The following DMXL1 variants were observed in gnomAD, a reference collection of about 807,000 sequenced individuals.
DMXL1 encodes the protein dmX-like protein 1.
A neutral mutation model predicts 319.2 loss-of-function variants in DMXL1; 99 were observed. That is an observed-to-expected ratio of 0.31 (90% CI 0.26 to 0.37). The LOEUF (loss-of-function observed/expected upper bound fraction) is 0.37. Ranked by LOEUF, DMXL1 falls within the 10% of genes least tolerant of loss-of-function variation. The pLI, the probability that DMXL1 is intolerant of heterozygous loss-of-function variation, is 1.00. For missense variants in DMXL1, 3,745 were observed against 3,595.6 expected (o/e 1.04, Z -1.06); for synonymous variants, 1,385 against 1,235.2 (o/e 1.12, Z -2.54).
chr5:119,181,777 A>C, intron 28 of DMXL1, among the ~76,000 whole-genome samples: 1 of 152,130 alleles, frequency 6.6e-6, no homozygotes, highest in Non-Finnish European at 1.5e-5. Context: ...GCGCCACTGC[A>C]CTCCAGCCTG....
intron 1 of DMXL1, among the ~76,000 whole-genome samples, chr5:119,090,705 G>A (rs1358341851): frequency 6.6e-6 from 1 of 151,676 alleles, no homozygotes; most frequent in Non-Finnish European, 1.5e-5. Context: ...TGGGATTACC[G>A]GCGCCTGCTA....
chr5:119,226,137 C>G (rs753854153), intron 38 of DMXL1, among the ~76,000 whole-genome samples: 29 of 152,056 alleles, frequency 1.9e-4, no homozygotes, highest in Non-Finnish European at 2.9e-4. Flanking sequence ...GACCTATTGT[C>G]AGAGGTGTTA....
rs185351949 is a variant in DMXL1, at chr5:119,209,294, G to C, written c.7926+2398G>C. The stretch of plus-strand genomic sequence containing the variant: ...TGAAACTATTCAAATATTTTCCAAG[G>C]TGGTTGTACCATTTATGTATATTCT... On this transcript the variant is annotated intron_variant, in intron 34 of 43. Transcript: ENST00000539542. Among the ~76,000 whole-genome samples, 11 of 152,106 alleles carry C rather than the reference G, an allele frequency of 7.2e-5. No individual in the cohort carries two copies. In the East Asian group the frequency reaches 2.1e-3, roughly 29 times the overall value.
chr5:119,241,251 G>T lies in DMXL1; in HGVS notation c.8704+780G>T, dbSNP rs377185571. On this transcript the variant is annotated intron_variant, in intron 42 of 43. Transcript: ENST00000539542. ...TTACAAGATGAATTTTCTGTCTGAG[G>T]CCGGGCGCAGTGGCTCATGCCTGTA... 1.6e-3 allele frequency among the ~76,000 whole-genome samples: 239 copies of T among 152,244 alleles called. 1 individual carries two copies. Among genetic ancestry groups the T allele is most frequent in the Admixed American group, 3.2e-3 (49 of 15,298 alleles).
chr5:119,121,999 C>T (rs1217967335), intron 9 of DMXL1, among the ~76,000 whole-genome samples: 3 of 145,094 alleles, frequency 2.1e-5, no homozygotes, highest in South Asian at 2.2e-4. Context: ...GGCAGAGGCG[C>T]CCCTCACCTC....
intron 13 of DMXL1, among the ~76,000 whole-genome samples, chr5:119,137,595 G>A (rs1436840250): frequency 2.6e-5 from 4 of 152,188 alleles, no homozygotes; most frequent in African/African-American, 9.7e-5. Flanking sequence ...ATAGGAACAT[G>A]GTGGCCATTT....
rs1319166049 is a variant in DMXL1 at position 119,150,142 on chromosome 5, T to C, written c.4315T>C (p.Ser1439Pro). The part of the protein sequence containing the change: ...ESTLSKSNQL[S>P]KESYDELFQT... The stretch of plus-strand genomic sequence containing the variant: ...TACGTTAAGTAAATCAAACCAATTA[T>C]CTAAAGAAAGTTATGATGAGCTTTT... Residue 1439 changes from serine (S) to proline (P), a missense_variant, in exon 18 of 44, where the codon TCT becomes CCT. Ser to Pro is a moderately conservative substitution (Grantham distance 74). Coordinates refer to ENST00000539542, the MANE Select transcript of DMXL1 (RefSeq NM_001290321.3). 3 of 1,613,794 alleles carry C rather than the reference T, an allele frequency of 1.9e-6. No homozygotes were observed. The highest frequency in any genetic ancestry group is 2.5e-6 in the Non-Finnish European group (3 of 1,179,862).
At chr5:119,101,855 A>G (rs1580706725) in intron 2 of DMXL1, 80 bp from the exon 3 acceptor site, 2 of 885,468 alleles carry the variant, frequency 2.3e-6, no homozygotes, top group African/African-American at 1.7e-5. Flanking sequence ...ATTTAAAGTT[A>G]TAGTATTCAT....
chr5:119,146,773 G>A (rs1768639384), intron 15 of DMXL1, 64 bp from the exon 16 acceptor site: 6 of 1,438,168 alleles, frequency 4.2e-6, no homozygotes, highest in Non-Finnish European at 5.6e-6. Flanking sequence ...TTTTAACTTG[G>A]CATGTTTAGC....
At chr5:119,162,254 C>G (rs1430042786) in intron 19 of DMXL1, among the ~76,000 whole-genome samples, 1 of 152,176 alleles carries the variant, frequency 6.6e-6, no homozygotes, top group African/African-American at 2.4e-5. Context: ...TCAGCTCATT[C>G]CCAAGTTTGG....
In DMXL1 at chr5:119,101,965, A is replaced by G. The variant is rs1554090833; in HGVS notation, c.244A>G (p.Ile82Val). 1.1e-5 allele frequency: 18 copies of G among 1,606,316 alleles called. No individual in the cohort carries two copies. The highest frequency in any genetic ancestry group is 2.2e-5 in the East Asian group (1 of 44,650). The change falls in exon 3 of 44, where the codon ATT becomes GTT. Residue 82 changes from isoleucine (I) to valine (V), a missense_variant. Physicochemically the swap from Ile to Val is conservative, Grantham distance 29. Around this residue, in one of 4 missense-constraint regions of DMXL1, gnomAD observed 2,096 missense variants for 1,985.4 expected, o/e 1.06. Transcript: ENST00000539542. ...IAASYGNVISIFEPVNLPKQK... is the reference protein window; with the variant it reads ...IAASYGNVISVFEPVNLPKQK... ...AGCGTCTTATGGAAATGTTATCTCC[A>G]TTTTTGAACCAGTTAACCTACCAAA...
intron 35 of DMXL1, among the ~76,000 whole-genome samples, chr5:119,219,785 A>G (rs935896329): frequency 3.9e-5 from 6 of 151,980 alleles, no homozygotes; most frequent in African/African-American, 7.2e-5. Flanking sequence ...CCAGGCTACT[A>G]TCGAACTCCT....
intron 21 of DMXL1, among the ~76,000 whole-genome samples, chr5:119,165,758 C>G (rs138911672): frequency 1.4e-3 from 212 of 152,282 alleles, no homozygotes; most frequent in African/African-American, 4.9e-3. Flanking sequence ...GTTTGTAAAA[C>G]CAACAAGTCT....
chr5:119,186,659 G>A (rs1486069303), intron 28 of DMXL1, among the ~76,000 whole-genome samples: 1 of 152,154 alleles, frequency 6.6e-6, no homozygotes, highest in Admixed American at 6.5e-5. Context: ...CAGTACAGAA[G>A]AATTTATAGG....
intron 28 of DMXL1, among the ~76,000 whole-genome samples, chr5:119,188,905 T>C (rs1246297732): frequency 1.3e-5 from 2 of 152,206 alleles, no homozygotes; most frequent in East Asian, 3.8e-4. Context: ...GTGAGTAAAA[T>C]CTCATCGGAG....
chr5:119,214,044 C>G (rs187791347), intron 34 of DMXL1, among the ~76,000 whole-genome samples: 1 of 152,104 alleles, frequency 6.6e-6, no homozygotes, highest in Non-Finnish European at 1.5e-5. Flanking sequence ...TCTTTACTCT[C>G]TCCTTGGGTT....
chr5:119,233,875 T>G (rs1000223687), intron 39 of DMXL1, among the ~76,000 whole-genome samples: 1 of 152,170 alleles, frequency 6.6e-6, no homozygotes, highest in African/African-American at 2.4e-5. Context: ...TAACCCGATA[T>G]TGTTGTGATT....
chr5:119,200,807 GTATTT>G (rs1474035320), intron 32 of DMXL1, among the ~76,000 whole-genome samples: 1 of 152,074 alleles, frequency 6.6e-6, no homozygotes, highest in African/African-American at 2.4e-5. Flanking sequence ...GTATTCCTAG[GTATTT>G]TATTCTTTTT....
chr5:119,152,130 A>G (rs1769938698), intron 19 of DMXL1, 94 bp downstream of exon 19: 9 of 734,878 alleles, frequency 1.2e-5, no homozygotes, highest in Non-Finnish European at 2.0e-5. Flanking sequence ...AAAAATGATA[A>G]TGATGACATA....
Sources: allele counts gnomAD v4.1 joint callset (sites outside exome capture counted in the v4.1 genomes callset), GRCh38; gene constraint gnomAD v4.1.1; regional missense constraint gnomAD v4.1.1; transcripts MANE v1.5; gene names NCBI Gene and HGNC (gene_info 2026-07-23, HGNC 2026-07-21).